Variants in UNC5D observed in about 807,000 individuals in gnomAD.
UNC5D encodes the protein unc-5 netrin receptor D.
In UNC5D, 39 loss-of-function variants were observed where a neutral mutation model predicts 105.4. That is an observed-to-expected ratio of 0.37 (90% CI 0.29 to 0.48). The LOEUF is 0.48. UNC5D is among the 20% of genes least tolerant of loss of function. The pLI is 0.98. For missense variants in UNC5D, 991 were observed against 1,202.4 expected (o/e 0.82, Z 2.60); for synonymous variants, 452 against 450.4 (o/e 1.00, Z -0.04).
In UNC5D at chr8:35,420,141, C is replaced by A. The variant is rs529798063; in HGVS notation, c.104-129151C>A. ...GGTGAGATTTCACCAGGGACCTGTG[C>A]CTGCCTGCCTAGGAATTTGTCTATC... On this transcript the variant is annotated intron_variant, in intron 1 of 16. Transcript: ENST00000404895. Among the ~76,000 whole-genome samples, 9 of 152,302 alleles carry A rather than the reference C, an allele frequency of 5.9e-5. No homozygotes were observed. In the South Asian group the frequency reaches 1.5e-3, roughly 25 times the overall value.
At chr8:35,382,927 C>T (rs935175596) in intron 1 of UNC5D, among the ~76,000 whole-genome samples, 4 of 152,170 alleles carry the variant, frequency 2.6e-5, no homozygotes, top group East Asian at 1.9e-4. Flanking sequence ...CTACTTTTCA[C>T]GCAAGTCCCA....
chr8:35,484,406 G>A (rs1473228552), intron 1 of UNC5D, among the ~76,000 whole-genome samples: 1 of 152,138 alleles, frequency 6.6e-6, no homozygotes, highest in Non-Finnish European at 1.5e-5. Flanking sequence ...CTATCAGCAT[G>A]TCTTATTATC....
chr8:35,525,656 G>T, intron 1 of UNC5D: 1 of 1,612,794 alleles, frequency 6.2e-7, no homozygotes, highest in Non-Finnish European at 8.5e-7. Flanking sequence ...CCAGCATTTT[G>T]GATTGGTAGT....
chr8:35,557,671 A>G (rs1468699201), intron 2 of UNC5D, among the ~76,000 whole-genome samples: 1 of 152,056 alleles, frequency 6.6e-6, no homozygotes, highest in Non-Finnish European at 1.5e-5. Context: ...TCCTTAAAAG[A>G]GTCCCCGGAG....
At chr8:35,663,745 C>T (rs1824255366) in intron 4 of UNC5D, among the ~76,000 whole-genome samples, 1 of 151,942 alleles carries the variant, frequency 6.6e-6, no homozygotes, top group African/African-American at 2.4e-5. Flanking sequence ...CACAAAATGC[C>T]CCCATATCTA....
At chr8:35,450,967 C>G (rs555679504) in intron 1 of UNC5D, among the ~76,000 whole-genome samples, 1 of 151,226 alleles carries the variant, frequency 6.6e-6, no homozygotes, top group Admixed American at 6.6e-5. Flanking sequence ...TTTCAACTTA[C>G]GATATTTTTG....
At chr8:35,747,538 T>C (rs1315292758) in intron 11 of UNC5D, among the ~76,000 whole-genome samples, 2 of 152,218 alleles carry the variant, frequency 1.3e-5, no homozygotes, top group East Asian at 3.8e-4. Flanking sequence ...AGCATTGCTC[T>C]ATATTCAATA....
At chr8:35,760,217 A>AT (rs1801463662) in intron 14 of UNC5D, among the ~76,000 whole-genome samples, 1 of 151,288 alleles carries the variant, frequency 6.6e-6, no homozygotes, top group Admixed American at 6.6e-5. Context: ...TAATTTTTCT[A>AT]TTTTTTAGTA....
intron 6 of UNC5D, among the ~76,000 whole-genome samples, chr8:35,685,722 G>C (rs1825961706): frequency 6.6e-6 from 1 of 152,168 alleles, no homozygotes; most frequent in African/African-American, 2.4e-5. Flanking sequence ...ATGGTAAAGT[G>C]AGGCTAAGTA....
intron 1 of UNC5D, among the ~76,000 whole-genome samples, chr8:35,259,475 C>A (rs1563256980): frequency 6.6e-6 from 1 of 152,116 alleles, no homozygotes; most frequent in Non-Finnish European, 1.5e-5. Flanking sequence ...GCTGCTGCCT[C>A]GTGTTTTATT....
chr8:35,747,133 A>G (rs950723762), intron 11 of UNC5D, among the ~76,000 whole-genome samples: 1 of 152,182 alleles, frequency 6.6e-6, no homozygotes, highest in Admixed American at 6.5e-5. Context: ...TTTTAAAGAC[A>G]TCTCCAGGGC....
At chr8:35,533,075 T>G (rs1814523633) in intron 1 of UNC5D, among the ~76,000 whole-genome samples, 1 of 151,340 alleles carries the variant, frequency 6.6e-6, no homozygotes, top group African/African-American at 2.4e-5. Flanking sequence ...TCCAGCTTTG[T>G]TCCGTTGCTG....
intron 1 of UNC5D, among the ~76,000 whole-genome samples, chr8:35,263,890 C>T (rs933991483): frequency 2.6e-5 from 4 of 152,310 alleles, no homozygotes; most frequent in Admixed American, 6.5e-5. Flanking sequence ...TTGTCTACCC[C>T]TCCTGTACTG....
chr8:35,294,086 GCC>G (rs1807282901), intron 1 of UNC5D, among the ~76,000 whole-genome samples: 1 of 152,110 alleles, frequency 6.6e-6, no homozygotes, highest in Non-Finnish European at 1.5e-5. Context: ...TGTTGTCCAG[GCC>G]TTCTTGTTAT....
intron 1 of UNC5D, among the ~76,000 whole-genome samples, chr8:35,288,130 C>A (rs1030788742): frequency 5.6e-4 from 85 of 151,832 alleles, no homozygotes; most frequent in African/African-American, 2.1e-3. Context: ...CAAATTGAAC[C>A]CAAAGAGGAG....
chr8:35,394,709 G>T (rs755505144), intron 1 of UNC5D, among the ~76,000 whole-genome samples: 1 of 152,064 alleles, frequency 6.6e-6, no homozygotes, highest in South Asian at 2.1e-4. Context: ...CAAAAAGGGA[G>T]GAACCGAATT....
At chr8:35,365,450 C>A (rs1802058120) in intron 1 of UNC5D, among the ~76,000 whole-genome samples, 1 of 151,872 alleles carries the variant, frequency 6.6e-6, no homozygotes, top group African/African-American at 2.4e-5. Context: ...AAAACCAATG[C>A]ATGAAGAACA....
rs186184024 is a variant in UNC5D, at chr8:35,460,508, G to A, written c.104-88784G>A. On this transcript the variant is annotated intron_variant, in intron 1 of 16. Transcript: ENST00000404895. ...TACACATGGCTTCATCAAATTATTC[G>A]AAATCCCCTGGGTAAGGTAAAGTTT... Among the ~76,000 whole-genome samples, 396 of 152,234 alleles carry A rather than the reference G, an allele frequency of 2.6e-3. 4 individuals carry two copies. The highest frequency in any genetic ancestry group is 0.011 in the South Asian group (55 of 4,824).
chr8:35,556,284 C>T (rs1007275018), intron 2 of UNC5D, among the ~76,000 whole-genome samples: 13 of 152,034 alleles, frequency 8.6e-5, no homozygotes, highest in East Asian at 3.9e-4. Flanking sequence ...TTTTGCATTC[C>T]GAGAACATAA....
Sources: gnomAD v4.1 joint callset for allele counts (sites outside exome capture counted in the v4.1 genomes callset) on GRCh38, gnomAD v4.1.1 for gene constraint, MANE v1.5 for transcripts, NCBI Gene and HGNC (gene_info 2026-07-23, HGNC 2026-07-21) for gene names.